Variants in ITGA1 observed in about 807,000 individuals in gnomAD.
ITGA1 encodes the protein integrin subunit alpha 1.
ITGA1 carries 85 observed loss-of-function variants against 145.9 expected under a neutral mutation model. The observed-to-expected ratio is 0.58, with a 90% CI of 0.49 to 0.70. ITGA1 has a LOEUF of 0.70. Ranked by LOEUF, ITGA1 falls within the 30% of genes least tolerant of loss-of-function variation. ITGA1 has a pLI of 0.00. For synonymous variants in ITGA1, 520 were observed against 495.3 expected (o/e 1.05, Z -0.66); for missense variants, 1,351 against 1,418.7 (o/e 0.95, Z 0.77).
intron 9 of ITGA1, 81 bp downstream of exon 9, chr5:52,893,921 T>A: frequency 1.9e-6 from 2 of 1,050,928 alleles, no homozygotes; most frequent in Non-Finnish European, 1.4e-6. Flanking sequence ...TTATTCCTAA[T>A]ACATCAGTAA....
rs1223890002 is a variant in ITGA1 at position 52,871,320 on chromosome 5, A to T, written c.624+5503A>T. The stretch of plus-strand genomic sequence containing the variant: ...ATTAACAGACATTTTAAAACTAAGA[A>T]TAAAAAAAAGTCATAAGATATTTAT... On this transcript the variant is annotated intron_variant, in intron 6 of 28. Coordinates refer to ENST00000282588, the MANE Select transcript of ITGA1 (RefSeq NM_181501.2). Among the ~76,000 whole-genome samples the T allele has an allele frequency of 4.6e-5, 7 of 152,344 alleles. No individual in the cohort carries two copies. In the South Asian group the frequency reaches 1.0e-3, roughly 23 times the overall value.
intron 23 of ITGA1, among the ~76,000 whole-genome samples, chr5:52,934,710 A>G (rs1327897387): frequency 6.6e-6 from 1 of 151,960 alleles, no homozygotes; most frequent in African/African-American, 2.4e-5. Flanking sequence ...CAATTCAAAT[A>G]ATGGATTTAA....
chr5:52,894,817 C>A (rs59689197), intron 9 of ITGA1, among the ~76,000 whole-genome samples: 1,960 of 151,998 alleles, frequency 0.013, 45 homozygotes, highest in African/African-American at 0.045. Context: ...GGGAATGAGA[C>A]ACAACTGAAA....
intron 14 of ITGA1, among the ~76,000 whole-genome samples, chr5:52,911,001 G>GTATA (rs1750507503): frequency 3.4e-5 from 1 of 29,490 alleles, no homozygotes; most frequent in Non-Finnish European, 6.2e-5. Context: ...TATATAGTAT[G>GTATA]TATACTGTAT....
At chr5:52,944,708 T>A (rs1027767376) in intron 26 of ITGA1, among the ~76,000 whole-genome samples, 3 of 152,198 alleles carry the variant, frequency 2.0e-5, no homozygotes, top group African/African-American at 4.8e-5. Flanking sequence ...AAAATATTTT[T>A]AAAATTTTTT....
chr5:52,940,738 G>T (rs1457070464), intron 26 of ITGA1, among the ~76,000 whole-genome samples: 1 of 152,020 alleles, frequency 6.6e-6, no homozygotes, highest in Non-Finnish European at 1.5e-5. Context: ...TTTTGAATTT[G>T]ATTATAGTAA....
At position 52,927,643 on chromosome 5, in the gene ITGA1, C is replaced by T; in HGVS notation, c.2673C>T (p.Pro891=). The T allele has an allele frequency of 6.2e-7, 1 of 1,608,208 alleles. No individual in the cohort carries two copies. Among genetic ancestry groups the T allele is most frequent in the Non-Finnish European group, 8.5e-7 (1 of 1,175,196 alleles). ...NHNITCKVGY[P]FLRRGEMVTF... Reference sequence around the variant, plus strand: ...ATATCACATGTAAAGTTGGATATCCCTTCCTGAGAAGAGGAGAGATGGTGA... The same window carrying T: ...ATATCACATGTAAAGTTGGATATCCTTTCCTGAGAAGAGGAGAGATGGTGA... The change falls in exon 20 of 29, where the codon CCC becomes CCT. Residue 891 remains proline (P), a synonymous_variant. Transcript: ENST00000282588.
intron 1 of ITGA1, among the ~76,000 whole-genome samples, chr5:52,830,041 A>G (rs1260842688): frequency 6.6e-6 from 1 of 152,156 alleles, no homozygotes; most frequent in Non-Finnish European, 1.5e-5. Context: ...GAATGAAGTA[A>G]TATTTTCTTC....
intron 15 of ITGA1, among the ~76,000 whole-genome samples, chr5:52,917,158 A>G (rs562036671): frequency 4.4e-4 from 67 of 152,334 alleles, no homozygotes; most frequent in Middle Eastern, 3.4e-3. Context: ...CTGACTCCCA[A>G]GAAAGATCTG....
At chr5:52,909,936 G>T (rs1579712515) in intron 13 of ITGA1, among the ~76,000 whole-genome samples, 1 of 152,036 alleles carries the variant, frequency 6.6e-6, no homozygotes, top group East Asian at 1.9e-4. Flanking sequence ...ATACTCAATT[G>T]CATTAAAAAG....
At chr5:52,864,356 ATCT>A (rs1273833268) in intron 3 of ITGA1, among the ~76,000 whole-genome samples, 1 of 152,084 alleles carries the variant, frequency 6.6e-6, no homozygotes, top group Non-Finnish European at 1.5e-5. Flanking sequence ...TTCTTTTCTG[ATCT>A]TCTACCCATT....
intron 11 of ITGA1, chr5:52,904,726 G>C (rs975266219): frequency 6.6e-6 from 1 of 151,972 alleles, no homozygotes; most frequent in Admixed American, 6.6e-5. Flanking sequence ...GGTGGCGGGC[G>C]CCTGTAGTCC....
chr5:52,802,032 A>T lies in ITGA1; in HGVS notation c.61+13618A>T, dbSNP rs1748499444. 12 of 523,484 alleles carry T rather than the reference A, an allele frequency of 2.3e-5. No individual in the cohort carries two copies. In the South Asian group the frequency reaches 3.2e-4, roughly 14 times the overall value. 32.4% of individuals were successfully genotyped at this position (523,484 alleles called of 1,614,324 possible). A position where few individuals can be genotyped will look rare whatever the true frequency, so the allele number is the denominator to read the frequency against. On this transcript the variant is annotated intron_variant, in intron 1 of 28. Coordinates refer to ENST00000282588, the MANE Select transcript of ITGA1 (RefSeq NM_181501.2). ...TTAAACAATAAACTAAAAGGAAATA[A>T]TCTCCACGTACTACCATCTTGATTA...
intron 2 of ITGA1, among the ~76,000 whole-genome samples, chr5:52,858,962 T>C (rs941393489): frequency 6.6e-6 from 1 of 152,114 alleles, no homozygotes; most frequent in African/African-American, 2.4e-5. Context: ...CCTAACCATA[T>C]AGCTAAGTGA....
chr5:52,822,945 C>T (rs1044363385), intron 1 of ITGA1, among the ~76,000 whole-genome samples: 1 of 152,152 alleles, frequency 6.6e-6, no homozygotes, highest in Non-Finnish European at 1.5e-5. Flanking sequence ...CATTTGAGGA[C>T]ACTGTCTCAT....
intron 2 of ITGA1, among the ~76,000 whole-genome samples, chr5:52,855,407 T>C (rs562819776): frequency 2.8e-4 from 43 of 152,318 alleles, no homozygotes; most frequent in African/African-American, 1.0e-3. Flanking sequence ...TTCTCAGGTC[T>C]GCCTTATTCA....
Position 52,905,880 on chromosome 5 carries a change from A to G in ITGA1, c.1427A>G (p.Lys476Arg), listed in dbSNP as rs1028672107. The G allele has an allele frequency of 2.5e-6, 4 of 1,613,300 alleles. No homozygotes were observed. The highest frequency in any genetic ancestry group is 1.6e-4 in the Middle Eastern group (1 of 6,082). ...IIYRMEDGNI[K>R]ILQTLSGEQI... ...TACAGGATGGAAGATGGAAACATCA[A>G]AATTCTCCAGACGCTCAGTGGAGAA... The change falls in exon 12 of 29, where the codon AAA (lysine) becomes AGA (arginine). Residue 476 changes from lysine (K) to arginine (R), a missense_variant. Physicochemically the swap from Lys to Arg is conservative, Grantham distance 26 (BLOSUM62 2). Coordinates refer to ENST00000282588, the MANE Select transcript of ITGA1 (RefSeq NM_181501.2).
chr5:52,911,519 A>G (rs1192370619), intron 14 of ITGA1, among the ~76,000 whole-genome samples: 6 of 124,424 alleles, frequency 4.8e-5, no homozygotes, highest in Non-Finnish European at 9.8e-5. Flanking sequence ...TATATATAGT[A>G]TATATATCTA....
At chr5:52,869,413 G>A (rs906167514) in intron 6 of ITGA1, among the ~76,000 whole-genome samples, 3 of 152,124 alleles carry the variant, frequency 2.0e-5, no homozygotes, top group Admixed American at 6.5e-5. Context: ...CGCCTGCCTC[G>A]GCCTCCCAAG....
Sources: allele counts gnomAD v4.1 joint callset (sites outside exome capture counted in the v4.1 genomes callset), GRCh38; gene constraint gnomAD v4.1.1; transcripts MANE v1.5; gene names NCBI Gene and HGNC (gene_info 2026-07-23, HGNC 2026-07-21).